Variants in DPH6 observed in about 807,000 individuals in gnomAD.
DPH6 encodes diphthamine biosynthesis 6, also known as diphthine--ammonia ligase.
DPH6 carries 33 observed loss-of-function variants against 38.2 expected under a neutral mutation model. That is an observed-to-expected ratio of 0.86 (90% CI 0.65 to 1.15). DPH6 has a LOEUF of 1.15. Ranked by LOEUF, DPH6 falls within the 50% of genes most tolerant of loss-of-function variation. DPH6 has a pLI of 0.00. For synonymous variants in DPH6, 108 were observed against 103.0 expected (o/e 1.05, Z -0.30); for missense variants, 325 against 320.0 (o/e 1.02, Z -0.12).
chr15:35,398,358 C>A (rs1390586038), intron 6 of DPH6, among the ~76,000 whole-genome samples: 1 of 152,162 alleles, frequency 6.6e-6, no homozygotes, highest in Non-Finnish European at 1.5e-5. Context: ...ATAGCCCTAT[C>A]CCCTAGCTAC....
At chr15:35,292,072 C>T (rs1398834870) in intron 3 of DPH6, among the ~76,000 whole-genome samples, 1 of 151,846 alleles carries the variant, frequency 6.6e-6, no homozygotes, top group African/African-American at 2.4e-5. Flanking sequence ...AAAACTGAGC[C>T]CTAAAAGGAG....
chr15:35,184,833 T>G, the DPH6 span, among the ~76,000 whole-genome samples: 1,750 of 152,266 alleles, frequency 0.011, 46 homozygotes, highest in African/African-American at 0.04. Flanking sequence ...CACAAGTCAG[T>G]GGGTCATTTT....
intron 3 of DPH6, among the ~76,000 whole-genome samples, chr15:35,225,519 G>C (rs770873249): frequency 6.6e-6 from 1 of 152,126 alleles, no homozygotes; most frequent in Non-Finnish European, 1.5e-5. Context: ...CATTGGAGAC[G>C]TGTTCAGGAT....
At chr15:35,314,393 TG>T (rs1375745656) in intron 3 of DPH6, among the ~76,000 whole-genome samples, 1 of 152,240 alleles carries the variant, frequency 6.6e-6, no homozygotes, top group Non-Finnish European at 1.5e-5. Context: ...TTTTAGGCTA[TG>T]GAAATGATGT....
intron 3 of DPH6, among the ~76,000 whole-genome samples, chr15:35,511,366 C>A (rs933567292): frequency 6.6e-6 from 1 of 152,042 alleles, no homozygotes; most frequent in Non-Finnish European, 1.5e-5. Context: ...TCTCTGTCTG[C>A]AATCTTTGTT....
At chr15:35,456,796 T>G (rs1233393024) in intron 3 of DPH6, among the ~76,000 whole-genome samples, 1 of 152,050 alleles carries the variant, frequency 6.6e-6, no homozygotes, top group Non-Finnish European at 1.5e-5. Context: ...GTCAAATTAC[T>G]ATTAAAATAA....
At chr15:35,439,018 A>C (rs983170614) in intron 5 of DPH6, among the ~76,000 whole-genome samples, 2 of 152,258 alleles carry the variant, frequency 1.3e-5, no homozygotes, top group Non-Finnish European at 2.9e-5. Context: ...TTGAAATAAA[A>C]GCACAACAAA....
At chr15:35,284,245 C>T (rs1404195243) in intron 3 of DPH6, among the ~76,000 whole-genome samples, 1 of 152,170 alleles carries the variant, frequency 6.6e-6, no homozygotes, top group Non-Finnish European at 1.5e-5. Context: ...AATCTTATCA[C>T]ATATTTACAA....
At chr15:35,362,865 A>G (rs2052625322) in intron 3 of DPH6, among the ~76,000 whole-genome samples, 1 of 152,144 alleles carries the variant, frequency 6.6e-6, no homozygotes, top group Non-Finnish European at 1.5e-5. Context: ...GAGTTCTCAT[A>G]AAGGCTCTTT....
intron 3 of DPH6, among the ~76,000 whole-genome samples, chr15:35,335,155 G>A (rs1009012814): frequency 3.3e-5 from 5 of 152,128 alleles, no homozygotes; most frequent in Non-Finnish European, 2.9e-5. Context: ...AATGATCAAT[G>A]ATGTTGAGCT....
chr15:35,250,135 G>A (rs956996180), intron 3 of DPH6, among the ~76,000 whole-genome samples: 2 of 151,690 alleles, frequency 1.3e-5, no homozygotes, highest in South Asian at 2.1e-4. Flanking sequence ...CCGAGATCGC[G>A]CCACTGCACT....
At chr15:35,289,534 A>G (rs554171576) in intron 3 of DPH6, among the ~76,000 whole-genome samples, 1 of 152,234 alleles carries the variant, frequency 6.6e-6, no homozygotes, top group Non-Finnish European at 1.5e-5. Flanking sequence ...ATAAATAAAA[A>G]AGGATGAAAA....
intron 5 of DPH6, among the ~76,000 whole-genome samples, chr15:35,445,543 TATGAACCATG>T (rs1216188789): frequency 1.3e-5 from 2 of 152,002 alleles, no homozygotes; most frequent in Non-Finnish European, 2.9e-5. Flanking sequence ...AAACTCAACA[TATGAACCATG>T]TAGCCTAGAA....
chr15:35,333,225 T>A (rs904108297), intron 3 of DPH6, among the ~76,000 whole-genome samples: 1 of 152,174 alleles, frequency 6.6e-6, no homozygotes, highest in African/African-American at 2.4e-5. Context: ...AGATTGATAT[T>A]GGTGATGCAA....
the DPH6 span, among the ~76,000 whole-genome samples, chr15:35,202,620 GAT>G: frequency 6.6e-6 from 1 of 151,786 alleles, no homozygotes; most frequent in Non-Finnish European, 1.5e-5. Context: ...GCAGTCACTG[GAT>G]ATGTTTTAGC....
chr15:35,205,619 G>A, the DPH6 span, among the ~76,000 whole-genome samples: 2 of 151,956 alleles, frequency 1.3e-5, no homozygotes, highest in Non-Finnish European at 2.9e-5. Context: ...TATTTTGAAA[G>A]CATATAACTA....
intron 3 of DPH6, among the ~76,000 whole-genome samples, chr15:35,464,574 T>C (rs960376053): frequency 1.4e-4 from 21 of 152,114 alleles, no homozygotes; most frequent in African/African-American, 5.1e-4. Context: ...AAGAAACAAA[T>C]CTGGTTCTAA....
intron 5 of DPH6, among the ~76,000 whole-genome samples, chr15:35,442,027 T>C (rs1486575978): frequency 6.6e-6 from 1 of 151,374 alleles, no homozygotes; most frequent in Non-Finnish European, 1.5e-5. Flanking sequence ...AACAAAAAAA[T>C]GATAAATTGG....
chr15:35,339,393 C>T (rs905988642), intron 3 of DPH6, among the ~76,000 whole-genome samples: 16 of 151,938 alleles, frequency 1.1e-4, no homozygotes, highest in East Asian at 5.8e-4. Flanking sequence ...GGCGTGATCT[C>T]GACTCACTGC....
Sources: allele counts gnomAD v4.1 joint callset (sites outside exome capture counted in the v4.1 genomes callset), GRCh38; gene constraint gnomAD v4.1.1; transcripts MANE v1.5; gene names NCBI Gene and HGNC (gene_info 2026-07-23, HGNC 2026-07-21).